Variants in SRPK2 observed in about 807,000 individuals in gnomAD.
SRPK2 encodes SFRS protein kinase 2.
Under a neutral mutation model 90.8 loss-of-function variants are expected in SRPK2, and 21 were observed. The ratio of observed to expected loss-of-function variants is 0.23; its 90% CI spans 0.16 to 0.33. The LOEUF is 0.33. SRPK2 is among the 10% of genes least tolerant of loss of function. SRPK2 has a pLI of 1.00. For synonymous variants in SRPK2, 288 were observed against 311.1 expected (o/e 0.93, Z 0.78); for missense variants, 620 against 869.0 (o/e 0.71, Z 3.60).
At chr7:105,349,816 G>A (rs758818949) in intron 2 of SRPK2, among the ~76,000 whole-genome samples, 7 of 151,908 alleles carry the variant, frequency 4.6e-5, no homozygotes, top group African/African-American at 7.3e-5. Flanking sequence ...TCAGCTCACC[G>A]CAACCTCCAC....
intron 2 of SRPK2, among the ~76,000 whole-genome samples, chr7:105,277,025 T>G (rs1806595981): frequency 6.6e-6 from 1 of 152,190 alleles, no homozygotes; most frequent in Non-Finnish European, 1.5e-5. Flanking sequence ...TTACACATTC[T>G]ACTGCCTCAG....
At chr7:105,352,601 T>C (rs182672695) in intron 2 of SRPK2, among the ~76,000 whole-genome samples, 108 of 152,354 alleles carry the variant, frequency 7.1e-4, no homozygotes, top group Non-Finnish European at 7.8e-4. Flanking sequence ...TGGTAATAAA[T>C]AGCTAATACA....
At chr7:105,153,065 T>C (rs1256104506) in intron 7 of SRPK2, among the ~76,000 whole-genome samples, 1 of 152,080 alleles carries the variant, frequency 6.6e-6, no homozygotes, top group African/African-American at 2.4e-5. Context: ...TACTTGGTGC[T>C]AGCAGCAGGA....
At chr7:105,148,602 C>T (rs1004704768) in intron 7 of SRPK2, among the ~76,000 whole-genome samples, 5 of 152,146 alleles carry the variant, frequency 3.3e-5, no homozygotes, top group Admixed American at 6.5e-5. Context: ...ATTTTGTTCA[C>T]AAGAGACAGG....
intron 6 of SRPK2, among the ~76,000 whole-genome samples, chr7:105,164,249 C>A (rs1808171870): frequency 6.6e-6 from 1 of 152,168 alleles, no homozygotes; most frequent in Non-Finnish European, 1.5e-5. Flanking sequence ...ATGATAACAC[C>A]TGCTTATTAT....
chr7:105,205,022 GAGA>G (rs368285485), intron 2 of SRPK2, among the ~76,000 whole-genome samples: 103 of 152,274 alleles, frequency 6.8e-4, no homozygotes, highest in Middle Eastern at 3.4e-3. Flanking sequence ...CTGGAATCTT[GAGA>G]AGGTCAGGGT....
Position 105,310,924 on chromosome 7 carries a change from C to A in SRPK2, c.71+77724G>T, listed in dbSNP as rs541830076. ...AGCCAAATCCACCCTTCCACAAATA[C>A]ACAATATTAACGTCAATTGCTTCAG... On this transcript the variant is annotated intron_variant, in intron 2 of 15. Transcript: ENST00000393651. Among the ~76,000 whole-genome samples, 598 of 152,212 alleles carry A rather than the reference C, an allele frequency of 3.9e-3. 3 individuals carry two copies. Among genetic ancestry groups the A allele is most frequent in the Middle Eastern group, 0.014 (4 of 294 alleles).
chr7:105,149,417 C>T (rs553397188), intron 7 of SRPK2, among the ~76,000 whole-genome samples: 2 of 152,236 alleles, frequency 1.3e-5, no homozygotes, highest in South Asian at 2.1e-4. Flanking sequence ...TGTTGCTGAC[C>T]TTCTCCTTAT....
rs138628309 is a variant in SRPK2, at chr7:105,363,965, G to A, written c.71+24683C>T. On this transcript the variant is annotated intron_variant, in intron 2 of 15. Coordinates refer to ENST00000393651, the MANE Select transcript of SRPK2 (RefSeq NM_182692.3). ...AACCAAACACCGCATGTTCTCACTC[G>A]TAGGTGGGAGCCGGACAATGAGAAC... Among the ~76,000 whole-genome samples, 303 of 151,502 alleles carry A rather than the reference G, an allele frequency of 2.0e-3. 3 individuals are homozygous for A. The highest frequency in any genetic ancestry group is 6.9e-3 in the African/African-American group (286 of 41,276).
At chr7:105,203,421 A>T (rs751961081) in intron 3 of SRPK2, among the ~76,000 whole-genome samples, 4 of 152,226 alleles carry the variant, frequency 2.6e-5, no homozygotes, top group Non-Finnish European at 5.9e-5. Flanking sequence ...TTGTCTTACA[A>T]TTCTCTCTCA....
At position 105,334,082 on chromosome 7, in the gene SRPK2, A is replaced by ATTT. The variant is rs140648464; in HGVS notation, c.71+54563_71+54565dup. ...GGATTAAAGGCGCCCACCTAATTTT[A>ATTT]TTTTATTTTTTATTTTTTGAGACAG... On this transcript the variant is annotated intron_variant, in intron 2 of 15. Transcript: ENST00000393651. Among the ~76,000 whole-genome samples, 766 of 137,198 alleles carry ATTT rather than the reference A, an allele frequency of 5.6e-3. 11 individuals are homozygous for ATTT. The East Asian group carries it at 0.059, about 11-fold the overall frequency. The allele number at this position is 137,198 out of a possible 152,430, so 90.0% of individuals were successfully genotyped here.
At chr7:105,389,442 G>C, upstream of SRPK2, 1 of 1,188,996 alleles carries the variant, frequency 8.4e-7, no homozygotes, top group Non-Finnish European at 1.1e-6. Flanking sequence ...CTGGGTCCGC[G>C]ATTAGCGGTG....
chr7:105,143,674 G>A (rs1160639912), intron 9 of SRPK2: 2 of 259,200 alleles, frequency 7.7e-6, no homozygotes, highest in African/African-American at 4.5e-5. Context: ...ATTTGCTGCT[G>A]TCTATATACA....
chr7:105,398,803 A>G (rs925826238), intron 1 of SRPK2, among the ~76,000 whole-genome samples: 3 of 152,208 alleles, frequency 2.0e-5, no homozygotes, highest in Non-Finnish European at 4.4e-5. Context: ...CCAGAGTTCA[A>G]GGGCTAGTTC....
intron 2 of SRPK2, among the ~76,000 whole-genome samples, chr7:105,334,840 A>C (rs539298607): frequency 8.0e-5 from 12 of 150,100 alleles, no homozygotes; most frequent in South Asian, 4.2e-4. Flanking sequence ...AGACCAAAAA[A>C]AAAAAAAACA....
At chr7:105,230,003 G>C (rs1799230413) in intron 2 of SRPK2, among the ~76,000 whole-genome samples, 1 of 152,182 alleles carries the variant, frequency 6.6e-6, no homozygotes, top group South Asian at 2.1e-4. Context: ...CTGACATATA[G>C]GTAGATTTTA....
chr7:105,137,312 T>A (rs1802991496), intron 11 of SRPK2, among the ~76,000 whole-genome samples: 1 of 152,068 alleles, frequency 6.6e-6, no homozygotes, highest in Non-Finnish European at 1.5e-5. Flanking sequence ...TCAGCTTCAG[T>A]GAAGGACAAC....
chr7:105,305,268 T>C (rs1273204379), intron 2 of SRPK2, among the ~76,000 whole-genome samples: 1 of 152,096 alleles, frequency 6.6e-6, no homozygotes, highest in African/African-American at 2.4e-5. Flanking sequence ...AGTGAAACCC[T>C]ATCTCCACTA....
chr7:105,342,294 A>C (rs1029576920), intron 2 of SRPK2, among the ~76,000 whole-genome samples: 1 of 151,582 alleles, frequency 6.6e-6, no homozygotes, highest in Non-Finnish European at 1.5e-5. Context: ...ACTGCACTCC[A>C]GCCTGGGCGA....
Sources: gnomAD v4.1 joint callset for allele counts (sites outside exome capture counted in the v4.1 genomes callset) on GRCh38, gnomAD v4.1.1 for gene constraint, MANE v1.5 for transcripts, NCBI Gene and HGNC (gene_info 2026-07-23, HGNC 2026-07-21) for gene names.